The following GPC6 variants were observed in gnomAD, a reference collection of about 807,000 sequenced individuals.
The protein encoded by GPC6 is glypican-6.
A neutral mutation model predicts 55.2 loss-of-function variants in GPC6; 14 were observed. The observed-to-expected ratio is 0.25, with a 90% CI of 0.17 to 0.40. The LOEUF (loss-of-function observed/expected upper bound fraction) is 0.40, where lower values mean the gene tolerates loss of function less well. Ranked by LOEUF, GPC6 falls within the 10% of genes least tolerant of loss-of-function variation. The pLI, the probability that GPC6 is intolerant of heterozygous loss-of-function variation, is 1.00. For missense variants in GPC6, 641 were observed against 708.5 expected, an observed-to-expected ratio of 0.90 and a Z score of 1.08; for synonymous variants, 278 against 259.6, an observed-to-expected ratio of 1.07 and a Z score of -0.68.
chr13:93,593,555 C>A (rs962195011), intron 2 of GPC6, among the ~76,000 whole-genome samples: 2 of 152,010 alleles, frequency 1.3e-5, no homozygotes, highest in African/African-American at 4.8e-5. Context: ...TAAACTAGAT[C>A]TAGTTTGATA....
intron 2 of GPC6, among the ~76,000 whole-genome samples, chr13:93,722,719 A>G (rs1348306453): frequency 1.3e-5 from 2 of 151,934 alleles, no homozygotes; most frequent in Non-Finnish European, 2.9e-5. Flanking sequence ...TTATAGCTGC[A>G]CGTCTGAGAT....
At chr13:94,377,575 G>A (rs1275340504) in intron 6 of GPC6, among the ~76,000 whole-genome samples, 2 of 149,202 alleles carry the variant, frequency 1.3e-5, no homozygotes, top group Non-Finnish European at 3.0e-5. Flanking sequence ...TGGAGAAATA[G>A]GAACACTTTT....
intron 3 of GPC6, among the ~76,000 whole-genome samples, chr13:93,888,687 A>G (rs573325213): frequency 1.6e-4 from 24 of 152,306 alleles, no homozygotes; most frequent in African/African-American, 5.1e-4. Flanking sequence ...TGACAGGAAC[A>G]TGAAAACTAC....
intron 3 of GPC6, among the ~76,000 whole-genome samples, chr13:93,872,486 G>T (rs1443285045): frequency 1.3e-5 from 2 of 151,914 alleles, no homozygotes; most frequent in African/African-American, 4.8e-5. Flanking sequence ...TCCAAAATGG[G>T]CCTTACTGGG....
intron 4 of GPC6, among the ~76,000 whole-genome samples, chr13:94,197,805 C>T (rs1342706417): frequency 6.6e-6 from 1 of 152,126 alleles, no homozygotes; most frequent in Non-Finnish European, 1.5e-5. Context: ...TCACCCACAA[C>T]AAATATACAT....
chr13:94,103,235 C>T (rs1184402907), intron 4 of GPC6, among the ~76,000 whole-genome samples: 6 of 152,162 alleles, frequency 3.9e-5, no homozygotes, highest in Admixed American at 1.3e-4. Flanking sequence ...TTTATGGCTG[C>T]ATAGTATTCC....
chr13:93,583,605 T>C (rs1877051091), intron 2 of GPC6, among the ~76,000 whole-genome samples: 2 of 152,130 alleles, frequency 1.3e-5, no homozygotes, highest in Admixed American at 1.3e-4. Context: ...TTAGTAGAGA[T>C]GGAGTTCCAC....
At chr13:94,347,169 A>C (rs1180554721) in intron 6 of GPC6, among the ~76,000 whole-genome samples, 2 of 152,320 alleles carry the variant, frequency 1.3e-5, no homozygotes, top group South Asian at 4.1e-4. Context: ...GAACACTGCT[A>C]TCTGAACTGT....
chr13:94,213,750 A>C (rs1404419887), intron 4 of GPC6, among the ~76,000 whole-genome samples: 1 of 152,136 alleles, frequency 6.6e-6, no homozygotes, highest in East Asian at 1.9e-4. Flanking sequence ...GGATGACATC[A>C]CTTCCACCAC....
chr13:93,840,902 A>T (rs1393432071), intron 3 of GPC6, among the ~76,000 whole-genome samples: 2 of 152,210 alleles, frequency 1.3e-5, no homozygotes, highest in African/African-American at 4.8e-5. Flanking sequence ...AAACAGCTTT[A>T]TGAAGAAAAA....
intron 3 of GPC6, among the ~76,000 whole-genome samples, chr13:93,934,694 G>A (rs1878345256): frequency 6.6e-6 from 1 of 151,126 alleles, no homozygotes; most frequent in Non-Finnish European, 1.5e-5. Flanking sequence ...ATATATTTAA[G>A]GATGTAATAT....
chr13:93,890,716 A>T (rs193098922), intron 3 of GPC6, among the ~76,000 whole-genome samples: 7,731 of 125,228 alleles, frequency 0.062, 473 homozygotes, highest in East Asian at 0.17. Context: ...ATTTTACTTA[A>T]TTTTTTTTTT....
intron 3 of GPC6, among the ~76,000 whole-genome samples, chr13:94,002,124 A>G (rs1255895522): frequency 6.6e-6 from 1 of 152,094 alleles, no homozygotes; most frequent in Non-Finnish European, 1.5e-5. Context: ...TGTAAAGGTG[A>G]CAAGAGGCTT....
chr13:94,372,272 G>T (rs1050834260), intron 6 of GPC6, among the ~76,000 whole-genome samples: 8 of 152,140 alleles, frequency 5.3e-5, no homozygotes, highest in African/African-American at 1.7e-4. Context: ...CGCAGAAGAC[G>T]GGTGATTTCT....
In GPC6 at chr13:93,467,924, G is replaced by A. The variant is rs147813012; in HGVS notation, c.161-77339G>A. On this transcript the variant is annotated intron_variant, in intron 1 of 8. Transcript: ENST00000377047. Reference sequence around the variant, plus strand: ...ATTCTTGTCCTGTAACCTTCTAAGTGTTTGATGCCAGGTGACACTTGTGGT... The same window carrying A: ...ATTCTTGTCCTGTAACCTTCTAAGTATTTGATGCCAGGTGACACTTGTGGT... 1.9e-3 allele frequency among the ~76,000 whole-genome samples: 287 copies of A among 152,144 alleles called. 2 individuals carry two copies. Among genetic ancestry groups the A allele is most frequent in the African/African-American group, 6.5e-3 (269 of 41,514 alleles).
intron 5 of GPC6, among the ~76,000 whole-genome samples, chr13:94,289,419 T>C (rs557451619): frequency 3.9e-5 from 6 of 152,318 alleles, no homozygotes; most frequent in African/African-American, 1.4e-4. Context: ...AGAGTTGGCC[T>C]GTTCACACAG....
At chr13:94,023,617 C>T (rs900041500) in intron 3 of GPC6, among the ~76,000 whole-genome samples, 1 of 151,962 alleles carries the variant, frequency 6.6e-6, no homozygotes, top group Non-Finnish European at 1.5e-5. Flanking sequence ...AGCAATTGCA[C>T]CCTTGGGCAT....
At chr13:93,257,164 G>A (rs934957082) in intron 1 of GPC6, among the ~76,000 whole-genome samples, 2 of 151,992 alleles carry the variant, frequency 1.3e-5, no homozygotes, top group Non-Finnish European at 2.9e-5. Context: ...TATCAGGCAT[G>A]ATGGTACATG....
At chr13:93,393,127 T>TATATATATATAGAG (rs1230857277) in intron 1 of GPC6, among the ~76,000 whole-genome samples, 14 of 87,622 alleles carry the variant, frequency 1.6e-4, no homozygotes, top group South Asian at 7.9e-4. Flanking sequence ...TATATATATA[T>TATATATATATAGAG]AGAGAGAGAG....
Sources: allele counts gnomAD v4.1 joint callset (sites outside exome capture counted in the v4.1 genomes callset), GRCh38; gene constraint gnomAD v4.1.1; transcripts MANE v1.5; gene names NCBI Gene and HGNC (gene_info 2026-07-23, HGNC 2026-07-21).